ADGRL2: variants seen among roughly 807,000 people sequenced by gnomAD.
ADGRL2 encodes the protein calcium-independent alpha-latrotoxin receptor 2.
ADGRL2 carries 44 observed loss-of-function variants against 157.4 expected under a neutral mutation model. That is an observed-to-expected ratio of 0.28 (90% confidence interval 0.22 to 0.36). The LOEUF (loss-of-function observed/expected upper bound fraction) is 0.36. Among genes scored for constraint, ADGRL2 ranks in the 10% least tolerant of loss-of-function variants. ADGRL2 has a pLI of 1.00. For synonymous variants in ADGRL2, 585 were observed against 624.7 expected (o/e 0.94, Z 0.95); for missense variants, 1,510 against 1,768.9 (o/e 0.85, Z 2.63).
At chr1:81,435,957 G>A (rs192730169) in intron 1 of ADGRL2, among the ~76,000 whole-genome samples, 28 of 152,136 alleles carry the variant, frequency 1.8e-4, no homozygotes, top group Non-Finnish European at 2.6e-4. Context: ...TTAGCCGGGC[G>A]TGGTGGTGGA....
rs534539283 is a variant in ADGRL2 at position 81,394,187 on chromosome 1, G to A, written c.-301-50849G>A. On this transcript the variant is annotated intron_variant, in intron 1 of 24. Coordinates refer to the ADGRL2 transcript ENST00000370721. ...AGGATTTATCATTTATTATATATGTGTTATTATTTATTATAGATTCTGACT... is the reference window on the plus strand; with the variant it reads ...AGGATTTATCATTTATTATATATGTATTATTATTTATTATAGATTCTGACT... Among the ~76,000 whole-genome samples, 5 of 152,106 alleles carry A rather than the reference G, an allele frequency of 3.3e-5. No homozygotes were observed. In the East Asian group the frequency reaches 7.7e-4, roughly 24 times the overall value.
intron 1 of ADGRL2, among the ~76,000 whole-genome samples, chr1:81,392,964 A>C (rs2076585484): frequency 6.6e-6 from 1 of 152,208 alleles, no homozygotes; most frequent in African/African-American, 2.4e-5. Context: ...ATACTTCCAT[A>C]AAATTCCTTT....
intron 13 of ADGRL2, 131 bp from the exon 14 acceptor site, chr1:81,967,895 T>C (rs1657606884): frequency 2.8e-6 from 2 of 711,560 alleles, no homozygotes; most frequent in South Asian, 3.7e-5. Flanking sequence ...TCCACAATTT[T>C]GCTGATGAAA....
intron 2 of ADGRL2, among the ~76,000 whole-genome samples, chr1:81,464,584 C>T (rs919072820): frequency 2.6e-5 from 4 of 152,270 alleles, no homozygotes; most frequent in Admixed American, 2.0e-4. Context: ...GACAAGAACT[C>T]ATCATAATGG....
chr1:81,911,732 G>A (rs564311010), intron 3 of ADGRL2, among the ~76,000 whole-genome samples: 43 of 152,236 alleles, frequency 2.8e-4, no homozygotes, highest in African/African-American at 8.7e-4. Context: ...AAAGCAATTC[G>A]TAGACATGTG....
intron 2 of ADGRL2, among the ~76,000 whole-genome samples, chr1:81,771,448 T>A (rs1218048813): frequency 1.3e-5 from 2 of 152,084 alleles, no homozygotes; most frequent in Admixed American, 6.6e-5. Flanking sequence ...GCATGCAAAA[T>A]AGATATATCC....
At chr1:81,695,718 G>A (rs1437374595), upstream of ADGRL2, among the ~76,000 whole-genome samples, 2 of 152,068 alleles carry the variant, frequency 1.3e-5, no homozygotes, top group Non-Finnish European at 1.5e-5. Context: ...CTACTCGGGA[G>A]GCTGAGGCAG....
At chr1:81,316,518 A>T (rs1405897315) in intron 1 of ADGRL2, among the ~76,000 whole-genome samples, 2 of 152,196 alleles carry the variant, frequency 1.3e-5, no homozygotes, top group Non-Finnish European at 2.9e-5. Context: ...TATCATTTTC[A>T]TAGCTTATTC....
At chr1:81,734,042 C>T (rs933840169) in intron 1 of ADGRL2, among the ~76,000 whole-genome samples, 9 of 151,936 alleles carry the variant, frequency 5.9e-5, no homozygotes, top group African/African-American at 9.7e-5. Context: ...TTTGGGAGGC[C>T]GAAGTGGATG....
At chr1:81,453,570 C>T (rs2077742520) in intron 2 of ADGRL2, among the ~76,000 whole-genome samples, 2 of 152,144 alleles carry the variant, frequency 1.3e-5, no homozygotes, top group African/African-American at 4.8e-5. Context: ...CACAAAAACA[C>T]ACCCTCTCTT....
intron 2 of ADGRL2, chr1:81,503,416 A>G: frequency 1.2e-6 from 2 of 1,613,520 alleles, no homozygotes; most frequent in Admixed American, 1.7e-5. Context: ...ACCAAGTCCT[A>G]CCTCATCCCG....
chr1:81,801,447 C>T (rs1490563632), intron 1 of ADGRL2, among the ~76,000 whole-genome samples: 3 of 152,224 alleles, frequency 2.0e-5, no homozygotes, highest in Non-Finnish European at 4.4e-5. Context: ...CTCTCACTCT[C>T]TCTCCGCTCA....
At chr1:81,963,314 T>TTA (rs1350829006) in intron 11 of ADGRL2, among the ~76,000 whole-genome samples, 1 of 152,076 alleles carries the variant, frequency 6.6e-6, no homozygotes, top group Non-Finnish European at 1.5e-5. Context: ...ACGTCCCTCG[T>TTA]TATTACTATG....
At chr1:81,643,310 GT>G (rs958507652) in intron 3 of ADGRL2, among the ~76,000 whole-genome samples, 1 of 152,050 alleles carries the variant, frequency 6.6e-6, no homozygotes, top group Non-Finnish European at 1.5e-5. Context: ...AGTGGAATTT[GT>G]TTTTGTTTGT....
chr1:81,485,237 G>T (rs143561614), intron 2 of ADGRL2, among the ~76,000 whole-genome samples: 230 of 150,358 alleles, frequency 1.5e-3, no homozygotes, highest in African/African-American at 5.2e-3. Flanking sequence ...ACAGGGAAAA[G>T]AAATAAAAAT....
At chr1:81,664,403 A>G (rs1007621526) in intron 3 of ADGRL2, among the ~76,000 whole-genome samples, 5 of 152,128 alleles carry the variant, frequency 3.3e-5, no homozygotes, top group Non-Finnish European at 5.9e-5. Context: ...AAGTAGAGAA[A>G]CCCATAATTC....
At chr1:81,501,667 C>G (rs1020232401) in intron 2 of ADGRL2, 2 of 1,492,140 alleles carry the variant, frequency 1.3e-6, no homozygotes, top group African/African-American at 2.8e-5. Flanking sequence ...CCTCCGCCAC[C>G]CGAAAACCCG....
chr1:81,592,184 T>C (rs959393457), intron 3 of ADGRL2, among the ~76,000 whole-genome samples: 1 of 152,192 alleles, frequency 6.6e-6, no homozygotes, highest in Admixed American at 6.5e-5. Flanking sequence ...CTACATCCTC[T>C]TCTACCTATA....
intron 18 of ADGRL2, chr1:81,980,677 A>G: frequency 2.1e-6 from 1 of 477,032 alleles, no homozygotes; most frequent in Non-Finnish European, 3.9e-6. Context: ...TTTTAATTAG[A>G]TGTTTTAGAT....
Sources: gnomAD v4.1 joint callset for allele counts (sites outside exome capture counted in the v4.1 genomes callset) on GRCh38, gnomAD v4.1.1 for gene constraint, MANE v1.5 for transcripts, NCBI Gene and HGNC (gene_info 2026-07-23, HGNC 2026-07-21) for gene names.